Variants in SPMIP2 observed in about 807,000 individuals in gnomAD.
SPMIP2 encodes protein SPMIP2.
chr4:158,965,380 A>G, the SPMIP2 span, among the ~76,000 whole-genome samples: 2 of 152,142 alleles, frequency 1.3e-5, no homozygotes, highest in African/African-American at 2.4e-5. Flanking sequence ...AGGGTCTGAA[A>G]TCTGAGTGGA....
chr4:158,979,799 T>TG, the SPMIP2 span, among the ~76,000 whole-genome samples: 2 of 144,746 alleles, frequency 1.4e-5, no homozygotes, highest in South Asian at 2.2e-4. Context: ...GTTTTTTTTT[T>TG]TTTTTTTTTT....
At chr4:158,968,634 T>C in the SPMIP2 span, among the ~76,000 whole-genome samples, 1 of 152,232 alleles carries the variant, frequency 6.6e-6, no homozygotes, top group Non-Finnish European at 1.5e-5. Flanking sequence ...TACTATTTAC[T>C]AGCTGTGTGG....
At chr4:158,907,194 C>T in the SPMIP2 span, 8 of 152,206 alleles carry the variant, frequency 5.3e-5, no homozygotes, top group Admixed American at 3.9e-4. Context: ...TAATTGTGTA[C>T]GTTTTAGACA....
the SPMIP2 span, among the ~76,000 whole-genome samples, chr4:159,022,145 G>A: frequency 3.3e-5 from 5 of 152,236 alleles, no homozygotes; most frequent in African/African-American, 1.2e-4. Context: ...AAGAGATGTG[G>A]GAGGTATTAT....
chr4:159,082,449 CTGTGTGTGTG>C, the SPMIP2 span, among the ~76,000 whole-genome samples: 76 of 111,658 alleles, frequency 6.8e-4, 1 homozygote, highest in African/African-American at 2.3e-3. Flanking sequence ...CCACTTTTCT[CTGTGTGTGTG>C]TGTGTGTGTG....
chr4:159,049,644 T>C, the SPMIP2 span, among the ~76,000 whole-genome samples: 1 of 152,220 alleles, frequency 6.6e-6, no homozygotes, highest in Non-Finnish European at 1.5e-5. Flanking sequence ...TACAATCACT[T>C]GTTTGATTTC....
chr4:159,011,753 CCAA>C, the SPMIP2 span, among the ~76,000 whole-genome samples: 1 of 129,638 alleles, frequency 7.7e-6, no homozygotes, highest in Non-Finnish European at 1.6e-5. Context: ...AAACTCCATC[CCAA>C]AAAAAAAAAA....
the SPMIP2 span, chr4:158,972,982 G>A: frequency 4.7e-5 from 38 of 808,788 alleles, no homozygotes; most frequent in Admixed American, 1.1e-3. Flanking sequence ...GTCTCAATGA[G>A]AAATCAAGCA....
the SPMIP2 span, among the ~76,000 whole-genome samples, chr4:159,030,339 G>A: frequency 0.043 from 6,600 of 152,010 alleles, 436 homozygotes; most frequent in African/African-American, 0.15. Flanking sequence ...CTGAGCCCAG[G>A]GAGGTCAAGG....
At chr4:158,983,384 G>T in the SPMIP2 span, among the ~76,000 whole-genome samples, 1 of 151,446 alleles carries the variant, frequency 6.6e-6, no homozygotes, top group South Asian at 2.1e-4. Context: ...TTGAAATGAA[G>T]GAAAAAATGT....
the SPMIP2 span, among the ~76,000 whole-genome samples, chr4:159,041,279 C>T: frequency 5.9e-5 from 9 of 152,182 alleles, no homozygotes; most frequent in Non-Finnish European, 1.2e-4. Context: ...TGATGCAACA[C>T]TTAGGCTTTT....
At chr4:158,945,047 G>A in the SPMIP2 span, among the ~76,000 whole-genome samples, 1 of 151,436 alleles carries the variant, frequency 6.6e-6, no homozygotes, top group South Asian at 2.1e-4. Flanking sequence ...CCCTGACTAT[G>A]TCACTGTCTT....
the SPMIP2 span, among the ~76,000 whole-genome samples, chr4:158,932,480 A>G: frequency 1.3e-5 from 2 of 152,170 alleles, no homozygotes; most frequent in Admixed American, 6.5e-5. Flanking sequence ...AAACATACAT[A>G]CATACATACA....
At chr4:158,931,646 T>C in the SPMIP2 span, among the ~76,000 whole-genome samples, 1 of 152,114 alleles carries the variant, frequency 6.6e-6, no homozygotes, top group Non-Finnish European at 1.5e-5. Flanking sequence ...CACCACAACC[T>C]CCACCTCCCA....
the SPMIP2 span, among the ~76,000 whole-genome samples, chr4:158,971,491 A>G: frequency 6.6e-6 from 1 of 152,194 alleles, no homozygotes; most frequent in Non-Finnish European, 1.5e-5. Flanking sequence ...TGGCCCTGGC[A>G]TTTAAACATA....
the SPMIP2 span, among the ~76,000 whole-genome samples, chr4:158,986,620 A>G: frequency 6.6e-6 from 1 of 152,068 alleles, no homozygotes; most frequent in African/African-American, 2.4e-5. Flanking sequence ...CACCTTATAC[A>G]AAAATTAATT....
chr4:158,943,858 C>CTTTTTTTTTT, the SPMIP2 span, among the ~76,000 whole-genome samples: 109 of 101,908 alleles, frequency 1.1e-3, 5 homozygotes, highest in Non-Finnish European at 1.4e-3. Context: ...TTGACATTTT[C>CTTTTTTTTTT]TTTTTTTTTT....
the SPMIP2 span, chr4:158,895,930 C>A: frequency 7.4e-6 from 9 of 1,209,564 alleles, no homozygotes; most frequent in African/African-American, 1.5e-5. Context: ...TACCCACTAA[C>A]GTGTTTAGCC....
At chr4:158,992,064 A>G in the SPMIP2 span, among the ~76,000 whole-genome samples, 8 of 151,940 alleles carry the variant, frequency 5.3e-5, no homozygotes, top group Non-Finnish European at 8.8e-5. Flanking sequence ...GCTAATTATT[A>G]TTATTATTTG....
Sources: gnomAD v4.1 joint callset for allele counts (sites outside exome capture counted in the v4.1 genomes callset) on GRCh38, gnomAD v4.1.1 for gene constraint, MANE v1.5 for transcripts, NCBI Gene and HGNC (gene_info 2026-07-23, HGNC 2026-07-21) for gene names.